Variants in TTYH2 observed in about 807,000 individuals in gnomAD.
TTYH2 encodes protein tweety homolog 2.
A neutral mutation model predicts 68.3 loss-of-function variants in TTYH2; 49 were observed. The ratio of observed to expected loss-of-function variants is 0.72; its 90% CI spans 0.57 to 0.91. The LOEUF is 0.91. Ranked by LOEUF, TTYH2 falls within the 40% of genes least tolerant of loss-of-function variation. The pLI is 0.00. For missense variants in TTYH2, 631 were observed against 700.4 expected (o/e 0.90, Z 1.12); for synonymous variants, 272 against 300.8 (o/e 0.90, Z 0.99).
At chr17:74,254,314 C>T (rs139400075) in intron 13 of TTYH2, among the ~76,000 whole-genome samples, 307 of 152,116 alleles carry the variant, frequency 2.0e-3, no homozygotes, top group African/African-American at 6.5e-3. Context: ...ACTACAGGTG[C>T]GTGCCACAAC....
intron 3 of TTYH2, among the ~76,000 whole-genome samples, chr17:74,237,016 C>T (rs1378952240): frequency 6.6e-6 from 1 of 151,902 alleles, no homozygotes; most frequent in African/African-American, 2.4e-5. Context: ...CCTGCCTCAA[C>T]CTCCCAAGTA....
chr17:74,218,361 G>A (rs544279368), intron 1 of TTYH2, among the ~76,000 whole-genome samples: 53 of 152,140 alleles, frequency 3.5e-4, no homozygotes, highest in Middle Eastern at 3.4e-3. Flanking sequence ...GAGGGTTTGG[G>A]AAGTAACTCC....
intron 2 of TTYH2, among the ~76,000 whole-genome samples, chr17:74,227,787 C>A (rs563479603): frequency 6.7e-6 from 1 of 149,954 alleles, no homozygotes; most frequent in Non-Finnish European, 1.5e-5. Flanking sequence ...CTCCTGCCCC[C>A]CCATCTTGGA....
chr17:74,260,241 CGTTCTG>C lies in TTYH2; in HGVS notation c.*36_*41del, dbSNP rs1567824172. On this transcript the variant is annotated 3_prime_UTR_variant, in exon 14 of 14. Coordinates refer to ENST00000269346, the MANE Select transcript of TTYH2 (RefSeq NM_032646.6). ...TTCGGGGGTTCCTGCCTCCTTTTTC[CGTTCTG>C]GTTTTTAATTAGTGCAAATACAAGC... 1 of 1,606,280 alleles carries C rather than the reference CGTTCTG, an allele frequency of 6.2e-7. No homozygotes were observed.
rs996282442 is a variant in TTYH2, at chr17:74,241,791, T to A, written c.636-1583T>A. Among the ~76,000 whole-genome samples, 3 of 152,206 alleles carry A rather than the reference T, an allele frequency of 2.0e-5. No individual in the cohort carries two copies. Among genetic ancestry groups the A allele is most frequent in the Non-Finnish European group, 4.4e-5 (3 of 68,040 alleles). The stretch of plus-strand genomic sequence containing the variant: ...GGGGACGGGGAAGCCCCTGTCTCTG[T>A]GCCCGCCCCTCCTCTGTCCACTCTC... On this transcript the variant is annotated intron_variant, in intron 4 of 13. Transcript: ENST00000269346. This position sits in a 1 kb window ranked among gnomAD's most constrained non-coding sequence, Gnocchi z 4.1.
chr17:74,256,140 G>A (rs894042962), intron 13 of TTYH2, among the ~76,000 whole-genome samples: 1 of 152,228 alleles, frequency 6.6e-6, no homozygotes, highest in African/African-American at 2.4e-5. Flanking sequence ...AAGGTACTTT[G>A]GGACCAGAAA....
chr17:74,238,867 CAAAAAAA>C (rs56366411), intron 4 of TTYH2, among the ~76,000 whole-genome samples: 1 of 131,194 alleles, frequency 7.6e-6, no homozygotes, highest in African/African-American at 2.8e-5. Context: ...AACTCCATCT[CAAAAAAA>C]AAAAAAAAAT....
At chr17:74,231,180 C>T (rs973136793) in intron 3 of TTYH2, among the ~76,000 whole-genome samples, 181 bp downstream of exon 3, 2 of 152,188 alleles carry the variant, frequency 1.3e-5, no homozygotes, top group Non-Finnish European at 2.9e-5. Context: ...GGCAATTGTG[C>T]GTTCCAAGCC....
Position 74,222,503 on chromosome 17 carries a change from C to T in TTYH2, c.148C>T (p.Leu50=), listed in dbSNP as rs1438319169. Reference sequence around the variant, plus strand: ...CTTCCAGTCGCTGCTGTTCCTGGGGCTGGTGGCCGCCGTCTGCCTGGGCCT... The same window carrying T: ...CTTCCAGTCGCTGCTGTTCCTGGGGTTGGTGGCCGCCGTCTGCCTGGGCCT... The part of the protein sequence containing the change: ...SYQESLLFLG[L]VAAVCLGLNL... Residue 50 remains leucine, a synonymous_variant, in exon 2 of 14, where the codon CTG becomes TTG. Transcript: ENST00000269346. The surrounding 1 kb of genome is among the most constrained non-coding windows in gnomAD (Gnocchi z 5.2). 3 of 1,610,456 alleles carry T rather than the reference C, an allele frequency of 1.9e-6. No individual in the cohort carries two copies. The highest frequency in any genetic ancestry group is 3.3e-4 in the Middle Eastern group (2 of 6,054).
rs958926100 is a variant in TTYH2, at chr17:74,239,944, CTG to C, written c.635+2434_635+2435del. Among the ~76,000 whole-genome samples the C allele has an allele frequency of 6.6e-6, 1 of 152,224 alleles. No individual in the cohort carries two copies. The highest frequency in any genetic ancestry group is 2.4e-5 in the African/African-American group (1 of 41,456). Reference sequence around the variant, plus strand: ...TTCTCTGAGCACACCTAGCAGAGGACTGTGTATGTTTAAGGGCCTCATGTGGG... The same window carrying C: ...TTCTCTGAGCACACCTAGCAGAGGACTGTATGTTTAAGGGCCTCATGTGGG... On this transcript the variant is annotated intron_variant, in intron 4 of 13. Transcript: ENST00000269346. This position sits in a 1 kb window ranked among gnomAD's most constrained non-coding sequence, Gnocchi z 5.3.
chr17:74,253,703 A>G, intron 12 of TTYH2, 52 bp from the exon 13 acceptor site: 1 of 1,580,754 alleles, frequency 6.3e-7, no homozygotes, highest in Non-Finnish European at 8.7e-7. Flanking sequence ...AAATCTACAC[A>G]CACCCCCACT....
rs2050505731 is a variant in TTYH2 at position 74,241,961 on chromosome 17, T to C, written c.636-1413T>C. ...CTTCTCAGTGTCCGTTGGCTTAAGA[T>C]ACTTTGATTCTTCAGCCTGTTCTCT... On this transcript the variant is annotated intron_variant, in intron 4 of 13. Transcript: ENST00000269346. This position sits in a 1 kb window ranked among gnomAD's most constrained non-coding sequence, Gnocchi z 4.1. Among the ~76,000 whole-genome samples the C allele has an allele frequency of 1.3e-5, 2 of 152,208 alleles. No homozygotes were observed. The highest frequency in any genetic ancestry group is 2.4e-5 in the African/African-American group (1 of 41,454).
intron 10 of TTYH2, among the ~76,000 whole-genome samples, chr17:74,251,455 G>C (rs1029770124): frequency 1.3e-5 from 2 of 151,998 alleles, no homozygotes; most frequent in African/African-American, 4.8e-5. Flanking sequence ...CAGGGGCTTG[G>C]GTTTAGATCC....
rs145865780 is a variant in TTYH2 at position 74,250,609 on chromosome 17, G to A, written c.1116+252G>A. The A allele has an allele frequency of 9.6e-4, 461 of 480,668 alleles. 2 individuals are homozygous for A. In the Middle Eastern group the frequency reaches 0.013, roughly 13 times the overall value. 29.8% of individuals were successfully genotyped at this position (480,668 alleles called of 1,614,324 possible). ...GGATGCGGTTGGCTCTGGGTCACTG[G>A]GGGACCCTGAACAATGCAAGGGAGG... On this transcript the variant is annotated intron_variant, in intron 10 of 13. Transcript: ENST00000269346.
rs774937995 is a variant in TTYH2, at chr17:74,222,254, C to G, written c.130-231C>G. Among the ~76,000 whole-genome samples the G allele has an allele frequency of 3.0e-4, 46 of 152,216 alleles. No homozygotes were observed. Among genetic ancestry groups the G allele is most frequent in the Non-Finnish European group, 5.6e-4 (38 of 68,030 alleles). Reference sequence around the variant, plus strand: ...TCTGGCACCCCTCCCTCACTGACCACGAGGCCCACCACTTGGCCTCATGCC... The same window carrying G: ...TCTGGCACCCCTCCCTCACTGACCAGGAGGCCCACCACTTGGCCTCATGCC... On this transcript the variant is annotated intron_variant, in intron 1 of 13. Transcript: ENST00000269346. This position sits in a 1 kb window ranked among gnomAD's most constrained non-coding sequence, Gnocchi z 5.2.
At chr17:74,254,415 G>A (rs896468405) in intron 13 of TTYH2, among the ~76,000 whole-genome samples, 33 of 152,224 alleles carry the variant, frequency 2.2e-4, no homozygotes, top group African/African-American at 7.2e-4. Context: ...TGATCCACCC[G>A]CCTCGGCCTC....
chr17:74,238,781 T>G (rs2050470094), intron 4 of TTYH2, among the ~76,000 whole-genome samples: 1 of 151,392 alleles, frequency 6.6e-6, no homozygotes, highest in Admixed American at 6.6e-5. Context: ...GCAGCAGAAT[T>G]GCTTGAACCC....
chr17:74,253,697 C>A, intron 12 of TTYH2, 58 bp from the exon 13 acceptor site: 1 of 1,569,384 alleles, frequency 6.4e-7, no homozygotes, highest in Non-Finnish European at 8.8e-7. Context: ...CTGTAGAAAT[C>A]TACACACACC....
At chr17:74,250,709 A>C in intron 10 of TTYH2, 1 of 188,334 alleles carries the variant, frequency 5.3e-6, no homozygotes, top group Non-Finnish European at 1.1e-5. Context: ...GGATGTCCCA[A>C]TCCCATTGCC....
Sources: gnomAD v4.1 joint callset for allele counts (sites outside exome capture counted in the v4.1 genomes callset) on GRCh38, gnomAD v4.1.1 for gene constraint, Gnocchi (gnomAD v3.1) non-coding constraint, MANE v1.5 for transcripts, NCBI Gene and HGNC (gene_info 2026-07-23, HGNC 2026-07-21) for gene names.